Variants in RASAL2 observed in about 807,000 individuals in gnomAD.
The protein encoded by RASAL2 is RAS protein activator like 2.
RASAL2 carries 58 observed loss-of-function variants against 128.9 expected under a neutral mutation model. The observed-to-expected ratio is 0.45, with a 90% confidence interval of 0.36 to 0.56. RASAL2 has a LOEUF of 0.56. RASAL2 is among the 20% of genes least tolerant of loss of function. The pLI is 0.00. For synonymous variants in RASAL2, 561 were observed against 580.8 expected, an observed-to-expected ratio of 0.97 and a Z score of 0.49; for missense variants, 1,360 against 1,601.6, an observed-to-expected ratio of 0.85 and a Z score of 2.57.
intron 3 of RASAL2, among the ~76,000 whole-genome samples, chr1:178,378,014 T>TA (rs35013765): frequency 8.0e-5 from 12 of 150,464 alleles, no homozygotes; most frequent in South Asian, 6.3e-4. Context: ...AACCTGATTT[T>TA]AAAAAAAAGA....
chr1:178,449,439 A>G (rs1158623799), intron 9 of RASAL2, among the ~76,000 whole-genome samples: 3 of 152,152 alleles, frequency 2.0e-5, no homozygotes, highest in Non-Finnish European at 4.4e-5. Context: ...ACTTATTCCT[A>G]CATGTGAAAT....
Position 178,445,536 on chromosome 1 carries a change from G to T in RASAL2, c.1501G>T (p.Val501Leu). Residue 501 changes from valine to leucine, a missense_variant, in exon 9 of 18, where the codon GTG (valine) becomes TTG (leucine). Val to Leu is a conservative substitution (Grantham distance 32, BLOSUM62 1). Around this residue, in one of 3 missense-constraint regions of RASAL2, gnomAD observed 617 missense variants for 714.2 expected, o/e 0.86. Coordinates refer to ENST00000367649, the MANE Select transcript of RASAL2 (RefSeq NM_170692.4). ...CTACCAGGATTTTCTGACTGACTTG[G>T]TGATGTCTGAGGTGGATCGTTGTGG... Reference protein sequence around the residue: ...GRAKDFLTDLVMSEVDRCGEH... With the variant: ...GRAKDFLTDLLMSEVDRCGEH... 6.2e-7 allele frequency: 1 copy of T among 1,613,360 alleles called. No homozygotes were observed.
chr1:178,422,418 A>T (rs943560555), intron 5 of RASAL2, among the ~76,000 whole-genome samples: 3 of 152,142 alleles, frequency 2.0e-5, no homozygotes, highest in Non-Finnish European at 4.4e-5. Flanking sequence ...AAAAAGTGCT[A>T]GTAAATCTCA....
chr1:178,099,232 G>C (rs1157418767), intron 1 of RASAL2, among the ~76,000 whole-genome samples: 1 of 152,176 alleles, frequency 6.6e-6, no homozygotes, highest in Non-Finnish European at 1.5e-5. Flanking sequence ...TTACACCTGA[G>C]TAGTCATATT....
At chr1:178,365,541 G>T (rs142944623) in intron 3 of RASAL2, among the ~76,000 whole-genome samples, 10,310 of 151,832 alleles carry the variant, frequency 0.068, 1,137 homozygotes, top group African/African-American at 0.23. Flanking sequence ...ACATGATCTA[G>T]GCTCACTGCA....
At chr1:178,314,322 G>A (rs961046819) in intron 3 of RASAL2, among the ~76,000 whole-genome samples, 4 of 152,096 alleles carry the variant, frequency 2.6e-5, no homozygotes, top group African/African-American at 9.7e-5. Flanking sequence ...TATGTAAGTC[G>A]TTTTATTTTA....
chr1:178,459,002 C>A (rs1472040785), intron 14 of RASAL2, among the ~76,000 whole-genome samples: 2 of 152,120 alleles, frequency 1.3e-5, no homozygotes, highest in South Asian at 4.1e-4. Context: ...TCAACTCCTT[C>A]TGGAAATACA....
intron 1 of RASAL2, among the ~76,000 whole-genome samples, chr1:178,269,853 G>T (rs889467040): frequency 6.6e-6 from 1 of 152,064 alleles, no homozygotes; most frequent in African/African-American, 2.4e-5. Flanking sequence ...TTGCACTGCG[G>T]ACTCGCCCTG....
intron 1 of RASAL2, among the ~76,000 whole-genome samples, chr1:178,138,117 A>T (rs536725143): frequency 6.6e-6 from 1 of 152,208 alleles, no homozygotes; most frequent in South Asian, 2.1e-4. Flanking sequence ...GAAAAATATT[A>T]TATTTTTGGA....
At chr1:178,443,761 T>C in intron 8 of RASAL2, among the ~76,000 whole-genome samples, 1 of 152,150 alleles carries the variant, frequency 6.6e-6, no homozygotes, top group Non-Finnish European at 1.5e-5. Flanking sequence ...TTATTTCACC[T>C]TGGATAGAAG....
At chr1:178,221,885 C>T (rs891460287) in intron 1 of RASAL2, among the ~76,000 whole-genome samples, 10 of 152,128 alleles carry the variant, frequency 6.6e-5, no homozygotes, top group African/African-American at 2.2e-4. Flanking sequence ...ATACTGGATT[C>T]ATGTATTTCT....
intron 3 of RASAL2, among the ~76,000 whole-genome samples, chr1:178,379,928 AG>A (rs1475280788): frequency 1.3e-5 from 2 of 152,238 alleles, no homozygotes; most frequent in Non-Finnish European, 2.9e-5. Context: ...AATTTGAGAC[AG>A]GGTCTCACTC....
At chr1:178,369,207 A>G (rs562385099) in intron 3 of RASAL2, among the ~76,000 whole-genome samples, 10 of 150,472 alleles carry the variant, frequency 6.6e-5, no homozygotes, top group African/African-American at 2.4e-4. Flanking sequence ...TACCCCATAC[A>G]AAGAGTGCAG....
At chr1:178,202,278 A>G (rs1402373007) in intron 1 of RASAL2, among the ~76,000 whole-genome samples, 2 of 152,272 alleles carry the variant, frequency 1.3e-5, no homozygotes, top group South Asian at 2.1e-4. Flanking sequence ...AGTGGCTCAA[A>G]CGCCCATGGT....
chr1:178,140,606 A>G (rs12079681), intron 1 of RASAL2, among the ~76,000 whole-genome samples: 5,334 of 152,152 alleles, frequency 0.035, 281 homozygotes, highest in African/African-American at 0.12. Flanking sequence ...TCGTTTAGCA[A>G]TATGCAGTTA....
chr1:178,335,638 A>G (rs1420892850), intron 3 of RASAL2, among the ~76,000 whole-genome samples: 1 of 152,190 alleles, frequency 6.6e-6, no homozygotes, highest in Non-Finnish European at 1.5e-5. Flanking sequence ...CTGCTCACAC[A>G]TTACACACAA....
rs1571461690 is a variant in RASAL2 at position 178,094,439 on chromosome 1, C to A, written c.-54C>A. ...TTACCGCAGGCAGGGCGCGGAGCCG[C>A]GCGCCAGCCCGCCCCGAAGCCGCCG... On this transcript the variant is annotated 5_prime_UTR_variant, in exon 1 of 18. Coordinates refer to ENST00000367649, the MANE Select transcript of RASAL2 (RefSeq NM_170692.4). The A allele has an allele frequency of 2.7e-6, 4 of 1,460,408 alleles. No homozygotes were observed. Among genetic ancestry groups the A allele is most frequent in the Non-Finnish European group, 3.6e-6 (4 of 1,101,932 alleles). 90.5% of individuals were successfully genotyped at this position (1,460,408 alleles called of 1,614,324 possible).
chr1:178,128,366 G>A (rs1367832807), intron 1 of RASAL2, among the ~76,000 whole-genome samples: 1 of 152,028 alleles, frequency 6.6e-6, no homozygotes, highest in Admixed American at 6.6e-5. Flanking sequence ...CAGTTCCCTG[G>A]TTTGTGATAT....
At chr1:178,234,062 T>A (rs926517693) in intron 1 of RASAL2, among the ~76,000 whole-genome samples, 8 of 152,198 alleles carry the variant, frequency 5.3e-5, no homozygotes, top group African/African-American at 1.9e-4. Flanking sequence ...TAATGACTTA[T>A]AGTAATAGCA....
Sources: gnomAD v4.1 joint callset for allele counts (sites outside exome capture counted in the v4.1 genomes callset) on GRCh38, gnomAD v4.1.1 for gene constraint, gnomAD v4.1.1 regional missense constraint, MANE v1.5 for transcripts, NCBI Gene and HGNC (gene_info 2026-07-23, HGNC 2026-07-21) for gene names.